The following BUB1B variants were observed in gnomAD, a reference collection of about 807,000 sequenced individuals.
BUB1B encodes the protein BUB1 mitotic checkpoint serine/threonine kinase B.
In BUB1B, 86 loss-of-function variants were observed where a neutral mutation model predicts 137.7. The ratio of observed to expected loss-of-function variants is 0.62; its 90% CI spans 0.52 to 0.75. The LOEUF (loss-of-function observed/expected upper bound fraction) is 0.75. BUB1B is among the 30% of genes least tolerant of loss of function. The pLI, the probability that BUB1B is intolerant of heterozygous loss-of-function variation, is 0.00. For synonymous variants in BUB1B, 420 were observed against 417.9 expected, an observed-to-expected ratio of 1.00 and a Z score of -0.06; for missense variants, 1,130 against 1,236.9, an observed-to-expected ratio of 0.91 and a Z score of 1.30.
intron 9 of BUB1B, among the ~76,000 whole-genome samples, chr15:40,199,303 A>G (rs1439283914): frequency 6.6e-6 from 1 of 152,256 alleles, no homozygotes; most frequent in African/African-American, 2.4e-5. Flanking sequence ...TTTGAATGTT[A>G]GTATCACATA....
At chr15:40,196,320 C>G (rs1201262635) in intron 8 of BUB1B, among the ~76,000 whole-genome samples, 1 of 152,122 alleles carries the variant, frequency 6.6e-6, no homozygotes, top group African/African-American at 2.4e-5. Flanking sequence ...TTTCTGGGCT[C>G]TCTATTCTGT....
At chr15:40,165,523 A>T (rs1034761370) in intron 2 of BUB1B, among the ~76,000 whole-genome samples, 1 of 152,234 alleles carries the variant, frequency 6.6e-6, no homozygotes, top group Non-Finnish European at 1.5e-5. Context: ...TTATGTTAGG[A>T]ACTTATTTTT....
In BUB1B at chr15:40,220,501, A is replaced by G. The variant is rs577456254; in HGVS notation, c.2958-63A>G. 1.2e-4 allele frequency: 180 copies of G among 1,564,382 alleles called. No homozygotes were observed. In the African/African-American group the frequency reaches 2.3e-3, roughly 20 times the overall value. On this transcript the variant is annotated intron_variant, in intron 22 of 22. Transcript: ENST00000287598. ...GTGCATAAATGTACCACTGAGTTAA[A>G]CTAAAAGGAATTATAATTTTCATAT...
intron 20 of BUB1B, among the ~76,000 whole-genome samples, chr15:40,214,833 T>C (rs545616515): frequency 2.6e-4 from 36 of 138,872 alleles, no homozygotes; most frequent in Middle Eastern, 3.7e-3. Flanking sequence ...ATATTCCTAT[T>C]CCCCCCCACC....
chr15:40,212,513 T>C lies in BUB1B; in HGVS notation c.2400T>C (p.Pro800=), dbSNP rs1595534864. The C allele has an allele frequency of 2.5e-6, 4 of 1,612,424 alleles. No individual in the cohort carries two copies. The East Asian group carries it at 8.9e-5, about 36-fold the overall frequency. ...ELTVIKVSSQ[P]VPWDFYINLK... Reference sequence around the variant, plus strand: ...ATGTCTTACAGGTATCTTCTCAACCTGTCCCATGGGACTTTTATATCAACC... The same window carrying C: ...ATGTCTTACAGGTATCTTCTCAACCCGTCCCATGGGACTTTTATATCAACC... Residue 800 remains proline, a synonymous_variant, in exon 19 of 23, where the codon CCT becomes CCC. Transcript: ENST00000287598.
intron 4 of BUB1B, among the ~76,000 whole-genome samples, chr15:40,170,967 A>G (rs954631793): frequency 2.0e-5 from 3 of 152,038 alleles, no homozygotes; most frequent in African/African-American, 7.2e-5. Context: ...ACAAGGTCTC[A>G]CTCTGTCACC....
At chr15:40,197,005 G>C (rs2037507106) in intron 9 of BUB1B, among the ~76,000 whole-genome samples, 1 of 152,098 alleles carries the variant, frequency 6.6e-6, no homozygotes, top group South Asian at 2.1e-4. Flanking sequence ...AAAACTCCTT[G>C]GGGTGTGGGG....
At chr15:40,162,603 G>A (rs2037053648) in intron 1 of BUB1B, among the ~76,000 whole-genome samples, 1 of 152,186 alleles carries the variant, frequency 6.6e-6, no homozygotes, top group African/African-American at 2.4e-5. Context: ...GAACCAGTAG[G>A]ACTTGCTGAC....
chr15:40,215,035 G>A (rs1473390741), intron 20 of BUB1B, among the ~76,000 whole-genome samples: 1 of 152,080 alleles, frequency 6.6e-6, no homozygotes, highest in Non-Finnish European at 1.5e-5. Flanking sequence ...GGCCATTTGT[G>A]GTCTAATGAA....
rs991776815 is a variant in BUB1B, at chr15:40,166,445, A to G, written c.179+1249A>G. 30 of 368,026 alleles carry G rather than the reference A, an allele frequency of 8.2e-5. No individual in the cohort carries two copies. The East Asian group carries it at 2.0e-3, about 24-fold the overall frequency. The allele number at this position is 368,026 out of a possible 1,614,324, so 22.8% of individuals were successfully genotyped here. On this transcript the variant is annotated intron_variant, in intron 2 of 22. Transcript: ENST00000287598. ...AGCTCTGCCTCCTGGGTTCACGCCA[A>G]TCTCCTGCCTCAGCCTCCTGAGTAG...
At chr15:40,163,097 C>T (rs1178763404) in intron 1 of BUB1B, among the ~76,000 whole-genome samples, 2 of 152,038 alleles carry the variant, frequency 1.3e-5, no homozygotes, top group Admixed American at 6.6e-5. Flanking sequence ...TGTTAATTGG[C>T]GTGTCTAAAT....
chr15:40,199,706 G>T lies in BUB1B; in HGVS notation c.1380G>T (p.Gln460His). 1.2e-6 allele frequency: 2 copies of T among 1,613,464 alleles called. No individual in the cohort carries two copies. Among genetic ancestry groups the T allele is most frequent in the Non-Finnish European group, 1.7e-6 (2 of 1,179,504 alleles). The stretch of plus-strand genomic sequence containing the variant: ...AGCTAAAAGAAATCCAAACTACTCA[G>T]CAAGAAAGAACAGGTGATCAGGTAA... The part of the protein sequence containing the change: ...EKKLKEIQTT[Q>H]QERTGDQQEE... Residue 460 changes from glutamine (Q) to histidine (H), a missense_variant, in exon 10 of 23, where the codon CAG becomes CAT. By Grantham distance (24) the Gln-to-His change is conservative. Transcript: ENST00000287598.
intron 4 of BUB1B, among the ~76,000 whole-genome samples, chr15:40,170,997 T>C (rs1007269402): frequency 2.6e-5 from 4 of 152,124 alleles, no homozygotes; most frequent in African/African-American, 9.7e-5. Flanking sequence ...GTGCAGTGGC[T>C]CCATCATGGC....
Position 40,212,576 on chromosome 15 carries a change from T to C in BUB1B, c.2463T>C (p.His821=), listed in dbSNP as rs2037727847. ...LKERLNEDFD[H]FCSCYQYQDG... is the part of the protein sequence containing the mutation. ...AACGTTTAAATGAAGATTTTGATCATTTTTGCAGCTGTTATCAATATCAAG... is the reference window on the plus strand; with the variant it reads ...AACGTTTAAATGAAGATTTTGATCACTTTTGCAGCTGTTATCAATATCAAG... Residue 821 remains histidine, a synonymous_variant, in exon 19 of 23, where the codon CAT becomes CAC. Transcript: ENST00000287598. 2 of 1,613,594 alleles carry C rather than the reference T, an allele frequency of 1.2e-6. No individual in the cohort carries two copies. Among genetic ancestry groups the C allele is most frequent in the South Asian group, 1.1e-5 (1 of 91,078 alleles).
intron 12 of BUB1B, among the ~76,000 whole-genome samples, chr15:40,201,697 C>CGCTCTGT (rs1336071361): frequency 2.0e-5 from 3 of 152,130 alleles, no homozygotes; most frequent in Non-Finnish European, 4.4e-5. Context: ...GACTGAGTCT[C>CGCTCTGT]GCTCTGTCGC....
At chr15:40,206,593 AG>A (rs2037640523) in intron 15 of BUB1B, 135 bp downstream of exon 15, 1 of 1,083,942 alleles carries the variant, frequency 9.2e-7, no homozygotes, top group Admixed American at 2.0e-5. Flanking sequence ...ACATGAGAGT[AG>A]GGCTGCCCCA....
intron 11 of BUB1B, among the ~76,000 whole-genome samples, chr15:40,200,674 G>GT (rs768558335): frequency 6.6e-6 from 1 of 151,950 alleles, no homozygotes; most frequent in Non-Finnish European, 1.5e-5. Flanking sequence ...TTTTTGTTTT[G>GT]TTTTATAAAA....
rs2140906462 is a variant in BUB1B, at chr15:40,210,117, G to A, written c.2292G>A (p.Glu764=). ...EIEKEIELGN[E]DYCIKREYLI... is the part of the protein sequence containing the mutation. ...ATCAAACTTTCTCAACAGGTAATGAGGATTACTGCATTAAACGAGAATACC... is the reference window on the plus strand; with the variant it reads ...ATCAAACTTTCTCAACAGGTAATGAAGATTACTGCATTAAACGAGAATACC... The change falls in exon 18 of 23, where the codon GAG becomes GAA. Residue 764 remains glutamate, a synonymous_variant. Transcript: ENST00000287598. 1 of 1,607,016 alleles carries A rather than the reference G, an allele frequency of 6.2e-7. No individual in the cohort carries two copies. The highest frequency in any genetic ancestry group is 2.2e-5 in the East Asian group (1 of 44,770).
In BUB1B at chr15:40,183,797, C is replaced by T. The variant is rs199509124; in HGVS notation, c.665C>T (p.Pro222Leu). 1 of 1,614,028 alleles carries T rather than the reference C, an allele frequency of 6.2e-7. No homozygotes were observed. Among genetic ancestry groups the T allele is most frequent in the African/African-American group, 1.3e-5 (1 of 75,004 alleles). ...EEEEVFESSV[P>L]QRSTLAELKS... ...GAGGAAGTTTTTGAGTCTTCTGTAC[C>T]ACAACGAAGCACACTAGCTGAACTA... is the stretch of plus-strand genomic sequence containing the variant. The change falls in exon 6 of 23, where the codon CCA becomes CTA. Residue 222 changes from proline (P) to leucine (L), a missense_variant. Pro to Leu is a moderately conservative substitution (Grantham distance 98). Coordinates refer to ENST00000287598, the MANE Select transcript of BUB1B (RefSeq NM_001211.6).
Sources: allele counts gnomAD v4.1 joint callset (sites outside exome capture counted in the v4.1 genomes callset), GRCh38; gene constraint gnomAD v4.1.1; transcripts MANE v1.5; gene names NCBI Gene and HGNC (gene_info 2026-07-23, HGNC 2026-07-21).